CNKSR3: variants seen among roughly 807,000 people sequenced by gnomAD.
CNKSR3 encodes the protein connector enhancer of kinase suppressor of ras 3.
CNKSR3 carries 36 observed loss-of-function variants against 67.7 expected under a neutral mutation model. The ratio of observed to expected loss-of-function variants is 0.53; its 90% CI spans 0.41 to 0.70. The LOEUF (loss-of-function observed/expected upper bound fraction) is 0.70, where lower values mean the gene tolerates loss of function less well. Among genes scored for constraint, CNKSR3 ranks in the 30% least tolerant of loss-of-function variants. The pLI, the probability that CNKSR3 is intolerant of heterozygous loss-of-function variation, is 0.00. For synonymous variants in CNKSR3, 281 were observed against 271.4 expected, an observed-to-expected ratio of 1.04 and a Z score of -0.35; for missense variants, 630 against 695.2, an observed-to-expected ratio of 0.91 and a Z score of 1.05.
At chr6:154,497,157 C>G (rs1014346967) in intron 1 of CNKSR3, among the ~76,000 whole-genome samples, 1 of 151,806 alleles carries the variant, frequency 6.6e-6, no homozygotes, top group African/African-American at 2.4e-5. Context: ...GCAGGAGGAT[C>G]GTTTTGAGCT....
chr6:154,452,663 T>G (rs1353369274), intron 1 of CNKSR3, among the ~76,000 whole-genome samples: 2 of 152,250 alleles, frequency 1.3e-5, no homozygotes, highest in Non-Finnish European at 2.9e-5. Flanking sequence ...AAAATTCATA[T>G]GTTACAGTCC....
At chr6:154,451,783 G>A (rs1785838652) in intron 1 of CNKSR3, among the ~76,000 whole-genome samples, 1 of 152,176 alleles carries the variant, frequency 6.6e-6, no homozygotes, top group Non-Finnish European at 1.5e-5. Context: ...AATATAGGAA[G>A]AGGAAGTAAT....
At position 154,388,374 on chromosome 6, in the gene CNKSR3, A is replaced by G. The variant is rs931143440; in HGVS notation, c.*17980T>C. The G allele has an allele frequency of 6.6e-6, 1 of 152,336 alleles. No homozygotes were observed. The highest frequency in any genetic ancestry group is 1.9e-4 in the East Asian group (1 of 5,190). 9.4% of individuals were successfully genotyped at this position (152,336 alleles called of 1,614,324 possible). A position where few individuals can be genotyped will look rare whatever the true frequency, so the allele number is the denominator to read the frequency against. ...CTTTTTAAAAGCTAAATAGTATTCC[A>G]TTGTATGTGTATATACATTTTCTTT... On this transcript the variant is annotated 3_prime_UTR_variant, in exon 13 of 13. Transcript: ENST00000607772.
At chr6:154,479,284 C>T (rs1435152242) in intron 1 of CNKSR3, among the ~76,000 whole-genome samples, 1 of 151,808 alleles carries the variant, frequency 6.6e-6, no homozygotes, top group Non-Finnish European at 1.5e-5. Context: ...ATTCTGTTTT[C>T]AATGTGAGGC....
In CNKSR3 at chr6:154,406,415, G is replaced by A. The variant is rs1437432728; in HGVS notation, c.1607C>T (p.Ser536Leu). Residue 536 changes from serine (S) to leucine (L), a missense_variant, in exon 13 of 13, where the codon TCG becomes TTG. By Grantham distance (145) the Ser-to-Leu change is moderately radical. This residue lies in a region of CNKSR3 where 308 missense variants were observed against 299.6 expected (regional missense o/e 1.03). Coordinates refer to ENST00000607772, the MANE Select transcript of CNKSR3 (RefSeq NM_173515.4). ...GACCAGGAGGGACGGTTCTGTGGAC[G>A]AGGACTTCGTAGCTGAGGAGCCAGA... ...KKSGSSATKS[S>L]STEPSLLVSW... is the part of the protein sequence containing the mutation. 1.4e-5 allele frequency: 23 copies of A among 1,614,174 alleles called. No homozygotes were observed. The highest frequency in any genetic ancestry group is 1.9e-5 in the Non-Finnish European group (23 of 1,180,034).
intron 1 of CNKSR3, among the ~76,000 whole-genome samples, chr6:154,476,209 C>A (rs9397723): frequency 0.21 from 32,595 of 151,954 alleles, 3,956 homozygotes; most frequent in East Asian, 0.34. Flanking sequence ...GTAATTCCAG[C>A]ACTTTGGGAG....
rs1784740193 is a variant in CNKSR3, at chr6:154,403,615, T to C, written c.*2739A>G. On this transcript the variant is annotated 3_prime_UTR_variant, in exon 13 of 13. Transcript: ENST00000607772. ...GAGGTTTACAAAGGTTTTTTTTTTT[T>C]AGCAGCAATATATTTTTCAAACACA... 1 of 151,768 alleles carries C rather than the reference T, an allele frequency of 6.6e-6. No individual in the cohort carries two copies. Among genetic ancestry groups the C allele is most frequent in the Non-Finnish European group, 1.5e-5 (1 of 67,966 alleles). The allele number at this position is 151,768 out of a possible 1,614,324, so 9.4% of individuals were successfully genotyped here. A position where few individuals can be genotyped will look rare whatever the true frequency, so the allele number is the denominator to read the frequency against.
Position 154,405,013 on chromosome 6 carries a change from G to T in CNKSR3, c.*1341C>A, listed in dbSNP as rs1388977608. 1.3e-5 allele frequency: 2 copies of T among 152,178 alleles called. No individual in the cohort carries two copies. The highest frequency in any genetic ancestry group is 2.9e-5 in the Non-Finnish European group (2 of 68,034). The allele number at this position is 152,178 out of a possible 1,614,324, so 9.4% of individuals were successfully genotyped here. On this transcript the variant is annotated 3_prime_UTR_variant, in exon 13 of 13. Transcript: ENST00000607772. Reference sequence around the variant, plus strand: ...TTCAGCAAACTCAACAATTCCGGTGGTATGAGAAAGGGCATTTTGGAGTAG... The same window carrying T: ...TTCAGCAAACTCAACAATTCCGGTGTTATGAGAAAGGGCATTTTGGAGTAG...
intron 7 of CNKSR3, among the ~76,000 whole-genome samples, chr6:154,423,817 GTTTTC>G (rs1445345642): frequency 1.3e-5 from 2 of 152,172 alleles, no homozygotes; most frequent in East Asian, 1.9e-4. Context: ...AATGAATTTA[GTTTTC>G]TTTTCATTTT....
At chr6:154,451,661 T>A (rs6934924) in intron 1 of CNKSR3, among the ~76,000 whole-genome samples, 110,648 of 152,236 alleles carry the variant, frequency 0.73, 40,776 homozygotes, top group East Asian at 0.9. Flanking sequence ...ATGGATATTA[T>A]AATCTGATGT....
At chr6:154,409,372 A>C (rs1263666288) in intron 12 of CNKSR3, among the ~76,000 whole-genome samples, 3 of 152,258 alleles carry the variant, frequency 2.0e-5, no homozygotes, top group Non-Finnish European at 4.4e-5. Flanking sequence ...GAATGTTTTA[A>C]AACATTTCAC....
rs1006169815 is a variant in CNKSR3, at chr6:154,401,443, CT to C, written c.*4910del. On this transcript the variant is annotated 3_prime_UTR_variant, in exon 13 of 13. Coordinates refer to ENST00000607772, the MANE Select transcript of CNKSR3 (RefSeq NM_173515.4). Reference sequence around the variant, plus strand: ...GTGCTCACCAGGAACTCACCTTGATCTTGGACTTCCCAGCCTCCAGAACGGT... The same window carrying C: ...GTGCTCACCAGGAACTCACCTTGATCTGGACTTCCCAGCCTCCAGAACGGT... The C allele has an allele frequency of 4.6e-5, 7 of 153,500 alleles. No homozygotes were observed. The highest frequency in any genetic ancestry group is 1.7e-4 in the African/African-American group (7 of 41,594). The allele number at this position is 153,500 out of a possible 1,614,324, so 9.5% of individuals were successfully genotyped here. A position where few individuals can be genotyped will look rare whatever the true frequency, so the allele number is the denominator to read the frequency against.
intron 1 of CNKSR3, among the ~76,000 whole-genome samples, chr6:154,467,200 TAG>T (rs1363241847): frequency 6.6e-6 from 1 of 151,178 alleles, no homozygotes; most frequent in African/African-American, 2.4e-5. Flanking sequence ...CCACCGGGAG[TAG>T]AGATACTTTA....
intron 1 of CNKSR3, among the ~76,000 whole-genome samples, chr6:154,489,317 G>A (rs1311216308): frequency 6.6e-6 from 1 of 152,166 alleles, no homozygotes; most frequent in Non-Finnish European, 1.5e-5. Flanking sequence ...GATCACTTGA[G>A]GTCAGGAGTT....
At chr6:154,444,988 T>A (rs1285277752) in intron 2 of CNKSR3, among the ~76,000 whole-genome samples, 1 of 151,506 alleles carries the variant, frequency 6.6e-6, no homozygotes, top group African/African-American at 2.4e-5. Flanking sequence ...ACATAAAGCA[T>A]AAATATACTC....
At chr6:154,416,020 G>A (rs778778804) in intron 9 of CNKSR3, among the ~76,000 whole-genome samples, 26 of 152,022 alleles carry the variant, frequency 1.7e-4, no homozygotes, top group Non-Finnish European at 3.8e-4. Flanking sequence ...GCACACACCT[G>A]TAATAATCCC....
intron 12 of CNKSR3, among the ~76,000 whole-genome samples, chr6:154,407,224 G>A (rs1178551992): frequency 6.6e-6 from 1 of 152,200 alleles, no homozygotes; most frequent in Non-Finnish European, 1.5e-5. Flanking sequence ...ATAGAGTGTA[G>A]TGTCCCCGCG....
chr6:154,414,145 A>G lies in CNKSR3; in HGVS notation c.1070+154T>C, dbSNP rs537250528. Reference sequence around the variant, plus strand: ...AGATATGTCCCTACACTCCTATAAAATAAGGCTGATCATACTTTTAACGGC... The same window carrying G: ...AGATATGTCCCTACACTCCTATAAAGTAAGGCTGATCATACTTTTAACGGC... On this transcript the variant is annotated intron_variant, in intron 10 of 12. Coordinates refer to ENST00000607772, the MANE Select transcript of CNKSR3 (RefSeq NM_173515.4). 5.2e-4 allele frequency among the ~76,000 whole-genome samples: 79 copies of G among 152,324 alleles called. No homozygotes were observed. The South Asian group carries it at 0.016, about 30-fold the overall frequency.
intron 1 of CNKSR3, among the ~76,000 whole-genome samples, chr6:154,470,399 A>G (rs1454734172): frequency 6.6e-6 from 1 of 151,914 alleles, no homozygotes; most frequent in Non-Finnish European, 1.5e-5. Context: ...GGGTTTCACC[A>G]TGTTGTCCAG....
Sources: gnomAD v4.1 joint callset for allele counts (sites outside exome capture counted in the v4.1 genomes callset) on GRCh38, gnomAD v4.1.1 for gene constraint, gnomAD v4.1.1 regional missense constraint, MANE v1.5 for transcripts, NCBI Gene and HGNC (gene_info 2026-07-23, HGNC 2026-07-21) for gene names.